Variants in TMEM59 observed in about 807,000 individuals in gnomAD.
The protein encoded by TMEM59 is transmembrane protein 59, also known as dendritic cell factor 1.
In TMEM59, 44 loss-of-function variants were observed where a neutral mutation model predicts 42.2. The ratio of observed to expected loss-of-function variants is 1.04; its 90% CI spans 0.82 to 1.34. TMEM59 has a LOEUF of 1.34. Among genes scored for constraint, TMEM59 ranks in the 40% most tolerant of loss-of-function variants. TMEM59 has a pLI of 0.00. For synonymous variants in TMEM59, 148 were observed against 145.8 expected, an observed-to-expected ratio of 1.02 and a Z score of -0.11; for missense variants, 359 against 382.8, an observed-to-expected ratio of 0.94 and a Z score of 0.52.
chr1:54,046,170 A>G (rs1260279326), intron 2 of TMEM59, among the ~76,000 whole-genome samples: 3 of 152,188 alleles, frequency 2.0e-5, no homozygotes, highest in African/African-American at 4.8e-5. Context: ...CTGACTATTG[A>G]TTTCTATATG....
At chr1:54,036,483 C>CA in intron 7 of TMEM59, 127 bp downstream of exon 7, 1 of 640,370 alleles carries the variant, frequency 1.6e-6, no homozygotes, top group Non-Finnish European at 2.5e-6. Context: ...ACCTCTACCA[C>CA]ATTAAAACCA....
chr1:54,045,853 TG>T (rs1239270788), intron 2 of TMEM59, 67 bp from the exon 3 acceptor site: 3 of 1,408,832 alleles, frequency 2.1e-6, no homozygotes, highest in Admixed American at 2.4e-5. Context: ...GAAAAGGATT[TG>T]GCATTTTATT....
chr1:54,053,093 G>A lies in TMEM59; in HGVS notation c.96C>T (p.Thr32=), dbSNP rs61753360. Residue 32 remains threonine (T), a synonymous_variant, in exon 1 of 8, where the codon ACC becomes ACT. Transcript: ENST00000234831. ...CCGAGTCAAATGCTTCAGCCGAAGC[G>A]GTCCCCGAACCTCCGGCCAAGGCCA... The part of the protein sequence containing the change: ...LTMALAGGSG[T]ASAEAFDSVL... 934 of 1,614,238 alleles carry A rather than the reference G, an allele frequency of 5.8e-4. 5 individuals are homozygous for A. The African/African-American group carries it at 0.011, about 20-fold the overall frequency.
Position 54,032,207 on chromosome 1 carries a change from A to T in TMEM59, c.915T>A (p.Asp305Glu), listed in dbSNP as rs762599934. Residue 305 changes from aspartate (D) to glutamate (E), a missense_variant, in exon 8 of 8, where the codon GAT (aspartate) becomes GAA (glutamate). Physicochemically the swap from Asp to Glu is conservative, Grantham distance 45. Coordinates refer to ENST00000234831, the MANE Select transcript of TMEM59 (RefSeq NM_004872.5). ...TAGGTAGAGGCCCTGCTTCTTCATG[A>T]TCTTCAGTTTTAGATCTAACAACCA... ...SLVVVRSKTE[D>E]HEEAGPLPTK... The T allele has an allele frequency of 1.2e-5, 20 of 1,613,134 alleles. No homozygotes were observed.
At position 54,030,104 on chromosome 1, in the gene TMEM59, G is replaced by A. The variant is rs1307358994; in HGVS notation, c.*2046C>T. The stretch of plus-strand genomic sequence containing the variant: ...AGGAAGCGAAGAGAAATGAAACCAA[G>A]GGAAGGTGGAGAATATAGGACAACT... On this transcript the variant is annotated 3_prime_UTR_variant, in exon 8 of 8. Coordinates refer to ENST00000234831, the MANE Select transcript of TMEM59 (RefSeq NM_004872.5). 6.6e-6 allele frequency: 1 copy of A among 151,072 alleles called. No individual in the cohort carries two copies. The highest frequency in any genetic ancestry group is 1.9e-4 in the East Asian group (1 of 5,170). 9.4% of individuals were successfully genotyped at this position (151,072 alleles called of 1,614,324 possible).
rs1657146968 is a variant in TMEM59 at position 54,041,823 on chromosome 1, G to A, written c.544-18C>T. 2 of 1,597,988 alleles carry A rather than the reference G, an allele frequency of 1.3e-6. No homozygotes were observed. The highest frequency in any genetic ancestry group is 1.7e-6 in the Non-Finnish European group (2 of 1,168,202). Reference sequence around the variant, plus strand: ...GGCTTAGACTAAAATAATAATGAAAGCAATTAAGTCATTTGTACTTCTTTA... The same window carrying A: ...GGCTTAGACTAAAATAATAATGAAAACAATTAAGTCATTTGTACTTCTTTA... On this transcript the variant is annotated intron_variant, in intron 4 of 7. Coordinates refer to ENST00000234831, the MANE Select transcript of TMEM59 (RefSeq NM_004872.5).
chr1:54,052,709 T>TGCAG (rs1287064768), intron 1 of TMEM59, among the ~76,000 whole-genome samples: 1 of 152,106 alleles, frequency 6.6e-6, no homozygotes, highest in Non-Finnish European at 1.5e-5. Context: ...CCTATCCTCC[T>TGCAG]CCGAGTGCTC....
At chr1:54,046,605 T>A (rs1487348674) in intron 2 of TMEM59, among the ~76,000 whole-genome samples, 1 of 152,114 alleles carries the variant, frequency 6.6e-6, no homozygotes, top group Non-Finnish European at 1.5e-5. Flanking sequence ...GCCGCAAAAA[T>A]ACGGTTATGA....
intron 1 of TMEM59, among the ~76,000 whole-genome samples, chr1:54,052,334 C>T (rs1225084217): frequency 3.3e-5 from 5 of 152,174 alleles, no homozygotes; most frequent in African/African-American, 1.2e-4. Flanking sequence ...CATTTCTTCA[C>T]CCACTCCACG....
chr1:54,045,196 G>A lies in TMEM59; in HGVS notation c.390+496C>T, dbSNP rs565825211. ...TGGACTTAAATCTATATGTAATTGG[G>A]AGCTACTGATTATATAAGACAGGAG... On this transcript the variant is annotated intron_variant, in intron 3 of 7. Coordinates refer to ENST00000234831, the MANE Select transcript of TMEM59 (RefSeq NM_004872.5). Among the ~76,000 whole-genome samples the A allele has an allele frequency of 9.2e-5, 14 of 152,186 alleles. No individual in the cohort carries two copies. In the South Asian group the frequency reaches 2.7e-3, roughly 29 times the overall value.
intron 6 of TMEM59, among the ~76,000 whole-genome samples, chr1:54,038,066 C>T (rs187357040): frequency 4.6e-5 from 7 of 152,248 alleles, no homozygotes; most frequent in Non-Finnish European, 1.0e-4. Context: ...TAATTTCTTC[C>T]CTGATTTACC....
At chr1:54,048,789 T>C (rs944424673) in intron 1 of TMEM59, 3 of 299,406 alleles carry the variant, frequency 1.0e-5, no homozygotes, top group Non-Finnish European at 2.2e-5. Context: ...GCAGCAACAA[T>C]CCATCAAGAA....
At chr1:54,046,252 T>C (rs1433147153) in intron 2 of TMEM59, among the ~76,000 whole-genome samples, 1 of 152,220 alleles carries the variant, frequency 6.6e-6, no homozygotes, top group African/African-American at 2.4e-5. Flanking sequence ...TTTATACAAA[T>C]ATAAGGTATT....
intron 6 of TMEM59, among the ~76,000 whole-genome samples, chr1:54,038,845 C>A (rs1006817476): frequency 2.6e-5 from 4 of 151,662 alleles, no homozygotes; most frequent in Admixed American, 6.6e-5. Flanking sequence ...AAAAAAAGAA[C>A]ACTTAAAAAA....
Position 54,036,570 on chromosome 1 carries a change from T to C in TMEM59, c.816+40A>G, listed in dbSNP as rs1239554402. 4 of 1,458,914 alleles carry C rather than the reference T, an allele frequency of 2.7e-6. No homozygotes were observed. In the African/African-American group the frequency reaches 6.1e-5, roughly 22 times the overall value. The allele number at this position is 1,458,914 out of a possible 1,614,324, so 90.4% of individuals were successfully genotyped here. A position where few individuals can be genotyped will look rare whatever the true frequency, so the allele number is the denominator to read the frequency against. Reference sequence around the variant, plus strand: ...CAAATAAGGTGTTTAAAATGATATATCACAGGGCTCAGTCTTCAAATGGTA... The same window carrying C: ...CAAATAAGGTGTTTAAAATGATATACCACAGGGCTCAGTCTTCAAATGGTA... On this transcript the variant is annotated intron_variant, in intron 7 of 7. Coordinates refer to ENST00000234831, the MANE Select transcript of TMEM59 (RefSeq NM_004872.5).
chr1:54,027,058 T>C lies in TMEM59; in HGVS notation c.*5092A>G, dbSNP rs1034878780. 6 of 152,114 alleles carry C rather than the reference T, an allele frequency of 3.9e-5. No homozygotes were observed. 9.4% of individuals were successfully genotyped at this position (152,114 alleles called of 1,614,324 possible). A position where few individuals can be genotyped will look rare whatever the true frequency, so the allele number is the denominator to read the frequency against. On this transcript the variant is annotated 3_prime_UTR_variant, in exon 8 of 8. Coordinates refer to ENST00000234831, the MANE Select transcript of TMEM59 (RefSeq NM_004872.5). The stretch of plus-strand genomic sequence containing the variant: ...TTGGATGGGAAAAATTTTAAATCTT[T>C]CTTTTCACCAACTTCTAACTGAAAT...
upstream of TMEM59, chr1:54,053,384 G>C: frequency 1.6e-6 from 1 of 635,798 alleles, no homozygotes; most frequent in Admixed American, 3.0e-5. Flanking sequence ...CTTCTCCTAG[G>C]CTGGCGTGAG....
chr1:54,041,798 G>A lies in TMEM59; in HGVS notation c.551C>T (p.Pro184Leu). The change falls in exon 5 of 8, where the codon CCA becomes CTA. Residue 184 changes from proline to leucine, a missense_variant. Physicochemically the swap from Pro to Leu is moderately conservative, Grantham distance 98. Coordinates refer to ENST00000234831, the MANE Select transcript of TMEM59 (RefSeq NM_004872.5). ...CAAATGTGGTGCGTACTGGATTTCT[G>A]GCTTAGACTAAAATAATAATGAAAG... Reference protein sequence around the residue: ...DGKIVIFQSKPEIQYAPHLEQ... With the variant: ...DGKIVIFQSKLEIQYAPHLEQ... 1 of 1,611,172 alleles carries A rather than the reference G, an allele frequency of 6.2e-7. No individual in the cohort carries two copies. The highest frequency in any genetic ancestry group is 8.5e-7 in the Non-Finnish European group (1 of 1,178,542).
Position 54,053,008 on chromosome 1 carries a change from A to G in TMEM59, c.181T>C (p.Tyr61His), listed in dbSNP as rs1657617660. Residue 61 changes from tyrosine to histidine, a missense_variant, in exon 1 of 8, where the codon TAC becomes CAC. Physicochemically the swap from Tyr to His is moderately conservative, Grantham distance 83. Coordinates refer to ENST00000234831, the MANE Select transcript of TMEM59 (RefSeq NM_004872.5). ...ACQLTYPLHTYPKEEELYACQ... is the reference protein window; with the variant it reads ...ACQLTYPLHTHPKEEELYACQ... Reference sequence around the variant, plus strand: ...CTCCGGACGGGCCCTACCTTAGGGTAGGTGTGCAAGGGGTAGGTCAACTGA... The same window carrying G: ...CTCCGGACGGGCCCTACCTTAGGGTGGGTGTGCAAGGGGTAGGTCAACTGA... 6.2e-7 allele frequency: 1 copy of G among 1,613,536 alleles called. No homozygotes were observed. The highest frequency in any genetic ancestry group is 8.5e-7 in the Non-Finnish European group (1 of 1,179,650).
Sources: allele counts gnomAD v4.1 joint callset (sites outside exome capture counted in the v4.1 genomes callset), GRCh38; gene constraint gnomAD v4.1.1; transcripts MANE v1.5; gene names NCBI Gene and HGNC (gene_info 2026-07-23, HGNC 2026-07-21).